AP1M2: variants seen among roughly 807,000 people sequenced by gnomAD.
The protein encoded by AP1M2 is adaptor related protein complex 1 subunit mu 2.
Under a neutral mutation model 54.6 loss-of-function variants are expected in AP1M2, and 41 were observed. That is an observed-to-expected ratio of 0.75 (90% CI 0.59 to 0.97). AP1M2 has a LOEUF of 0.97. Ranked by LOEUF, AP1M2 falls within the 50% of genes least tolerant of loss-of-function variation. AP1M2 has a pLI of 0.00. For missense variants in AP1M2, 507 were observed against 561.2 expected, an observed-to-expected ratio of 0.90 and a Z score of 0.98; for synonymous variants, 219 against 215.9, an observed-to-expected ratio of 1.01 and a Z score of -0.13.
At chr19:10,573,156 C>T (rs994593084) in intron 11 of AP1M2, 68 bp from the exon 12 acceptor site, 7 of 1,431,768 alleles carry the variant, frequency 4.9e-6, no homozygotes, top group South Asian at 1.2e-5. Context: ...CGGTGACTCA[C>T]GCTTATAATC....
At chr19:10,584,307 G>A (rs772540111) in intron 1 of AP1M2, among the ~76,000 whole-genome samples, 2 of 152,204 alleles carry the variant, frequency 1.3e-5, no homozygotes, top group Admixed American at 6.6e-5. Flanking sequence ...ATGGCTGGAC[G>A]CAGTGGCTCA....
rs372036716 is a variant in AP1M2, at chr19:10,583,896, A to G, written c.199+18T>C. 29 of 1,585,240 alleles carry G rather than the reference A, an allele frequency of 1.8e-5. No individual in the cohort carries two copies. The highest frequency in any genetic ancestry group is 2.5e-5 in the Non-Finnish European group (29 of 1,165,466). On this transcript the variant is annotated intron_variant, in intron 2 of 11. Coordinates refer to ENST00000250244, the MANE Select transcript of AP1M2 (RefSeq NM_005498.5). ...AGCCCCCACACCCACCTCCAGGGACACCACGTGGGGTGGATACAGTAGAGG... is the reference window on the plus strand; with the variant it reads ...AGCCCCCACACCCACCTCCAGGGACGCCACGTGGGGTGGATACAGTAGAGG...
intron 2 of AP1M2, 49 bp downstream of exon 2, chr19:10,583,865 G>C: frequency 6.4e-7 from 1 of 1,553,710 alleles, no homozygotes; most frequent in Non-Finnish European, 8.7e-7. Context: ...TGCCACCATC[G>C]CCGACAGCCC....
chr19:10,577,655 T>C (rs1381645377), intron 8 of AP1M2, among the ~76,000 whole-genome samples: 2 of 151,210 alleles, frequency 1.3e-5, no homozygotes, highest in Non-Finnish European at 2.9e-5. Context: ...CAGGATGTTC[T>C]CGATCTCCTG....
At position 10,575,742 on chromosome 19, in the gene AP1M2, CTTTTTTCTTT is replaced by C. The variant is rs1395492919; in HGVS notation, c.1048-723_1048-714del. ...GTACCTCTCTGATTTACTTGTATTT[CTTTTTTCTTT>C]TTTTTTCTTTTTTTTTCTTTTTTTT... On this transcript the variant is annotated intron_variant, in intron 9 of 11. Coordinates refer to ENST00000250244, the MANE Select transcript of AP1M2 (RefSeq NM_005498.5). 5.9e-3 allele frequency among the ~76,000 whole-genome samples: 874 copies of C among 147,638 alleles called. 3 individuals are homozygous for C. Among genetic ancestry groups the C allele is most frequent in the Middle Eastern group, 0.011 (3 of 284 alleles).
chr19:10,578,374 C>T (rs1475428749), intron 8 of AP1M2, among the ~76,000 whole-genome samples: 3 of 151,800 alleles, frequency 2.0e-5, no homozygotes, highest in South Asian at 2.1e-4. Flanking sequence ...CCCAGCTGCT[C>T]GGGAGGCTGA....
intron 6 of AP1M2, among the ~76,000 whole-genome samples, 186 bp from the exon 7 acceptor site, chr19:10,580,044 GTTTTTTTTTTT>G (rs59349358): frequency 1.4e-5 from 1 of 71,210 alleles, no homozygotes; most frequent in East Asian, 3.6e-4. Flanking sequence ...ATCTGGCTTG[GTTTTTTTTTTT>G]TTTTTTTTTT....
In AP1M2 at chr19:10,583,867, C is replaced by T. The variant is rs375003376; in HGVS notation, c.199+47G>A. The T allele has an allele frequency of 1.2e-4, 191 of 1,556,428 alleles. 2 individuals carry two copies. The Middle Eastern group carries it at 1.9e-3, about 15-fold the overall frequency. The stretch of plus-strand genomic sequence containing the variant: ...TCTTGGCCTGAGCTGCCACCATCGC[C>T]GACAGCCCCCACACCCACCTCCAGG... On this transcript the variant is annotated intron_variant, in intron 2 of 11. Transcript: ENST00000250244.
intron 7 of AP1M2, among the ~76,000 whole-genome samples, chr19:10,579,333 G>A (rs151030943): frequency 0.15 from 23,437 of 152,074 alleles, 2,271 homozygotes; most frequent in Admixed American, 0.27. Flanking sequence ...GGAGAATGGC[G>A]TGAACCTGGG....
rs1441889803 is a variant in AP1M2, at chr19:10,574,881, TCCTC to T, written c.1173+19_1173+22del. 1.9e-6 allele frequency: 3 copies of T among 1,590,982 alleles called. No homozygotes were observed. In the South Asian group the frequency reaches 3.4e-5, roughly 18 times the overall value. On this transcript the variant is annotated intron_variant, in intron 10 of 11. Transcript: ENST00000250244. ...GAACCCACCGAAGTCAAGGGGAGGA[TCCTC>T]CCTGCCTGCTTCTCTCACCTGGATC...
chr19:10,577,319 C>G lies in AP1M2; in HGVS notation c.926G>C (p.Gly309Ala). The G allele has an allele frequency of 6.2e-7, 1 of 1,610,800 alleles. No homozygotes were observed. The highest frequency in any genetic ancestry group is 8.5e-7 in the Non-Finnish European group (1 of 1,178,598). Reference protein sequence around the residue: ...GQFKKQSVANGVEISVPVPSD... With the variant: ...GQFKKQSVANAVEISVPVPSD... ...GGGTACAGGCACAGATATCTCCACA[C>G]CGTTGGCCACTGACTGTTTCTTAAA... Residue 309 changes from glycine (G) to alanine (A), a missense_variant, in exon 9 of 12, where the codon GGT (glycine) becomes GCT (alanine). Transcript: ENST00000250244.
chr19:10,574,105 C>T (rs1010195426), intron 11 of AP1M2, among the ~76,000 whole-genome samples: 2 of 152,186 alleles, frequency 1.3e-5, no homozygotes, highest in Admixed American at 1.3e-4. Flanking sequence ...TCACTGCAAC[C>T]TCCACCTCCC....
chr19:10,573,561 G>GTT (rs921227964), intron 11 of AP1M2, among the ~76,000 whole-genome samples: 46 of 151,708 alleles, frequency 3.0e-4, no homozygotes, highest in African/African-American at 1.1e-3. Flanking sequence ...AAACAAGGCA[G>GTT]TTTCCAGGCA....
chr19:10,576,634 G>A (rs1442142000), intron 9 of AP1M2, among the ~76,000 whole-genome samples: 1 of 151,616 alleles, frequency 6.6e-6, no homozygotes, highest in Non-Finnish European at 1.5e-5. Context: ...TCTGACCTCA[G>A]GTGATCTGCC....
intron 1 of AP1M2, among the ~76,000 whole-genome samples, chr19:10,585,283 A>AAAGAAAGAAAGAAGG (rs1568434699): frequency 1.4e-4 from 15 of 104,634 alleles, no homozygotes; most frequent in East Asian, 1.4e-3. Flanking sequence ...AAAGAAGAAA[A>AAAGAAAGAAAGAAGG]AAAGAAAGAA....
chr19:10,580,239 C>T (rs529636761), intron 6 of AP1M2, among the ~76,000 whole-genome samples: 68 of 151,962 alleles, frequency 4.5e-4, no homozygotes, highest in Non-Finnish European at 6.9e-4. Context: ...TTAGTAGAGA[C>T]GGGGTTTCTC....
At chr19:10,573,114 C>T in intron 11 of AP1M2, 26 bp from the exon 12 acceptor site, 1 of 1,557,884 alleles carries the variant, frequency 6.4e-7, no homozygotes, top group Non-Finnish European at 8.7e-7. Flanking sequence ...GAGGAGGGGC[C>T]ATCTCAGAAA....
intron 3 of AP1M2, 100 bp from the exon 4 acceptor site, chr19:10,581,978 A>G: frequency 7.5e-7 from 1 of 1,335,922 alleles, no homozygotes; most frequent in Non-Finnish European, 1.0e-6. Flanking sequence ...CCAAGGCACG[A>G]GGATCACTTA....
rs1430875271 is a variant in AP1M2 at position 10,577,085 on chromosome 19, A to G, written c.1047+113T>C. 8 of 1,228,188 alleles carry G rather than the reference A, an allele frequency of 6.5e-6. No homozygotes were observed. The African/African-American group carries it at 1.2e-4, about 18-fold the overall frequency. 76.1% of individuals were successfully genotyped at this position (1,228,188 alleles called of 1,614,324 possible). A position where few individuals can be genotyped will look rare whatever the true frequency, so the allele number is the denominator to read the frequency against. On this transcript the variant is annotated intron_variant, in intron 9 of 11. Coordinates refer to ENST00000250244, the MANE Select transcript of AP1M2 (RefSeq NM_005498.5). Reference sequence around the variant, plus strand: ...TGGCATTCCAGTCATGAGCCATCACACCTGACTGGGTCTCTGATTTGTTCT... The same window carrying G: ...TGGCATTCCAGTCATGAGCCATCACGCCTGACTGGGTCTCTGATTTGTTCT...
Sources: gnomAD v4.1 joint callset for allele counts (sites outside exome capture counted in the v4.1 genomes callset) on GRCh38, gnomAD v4.1.1 for gene constraint, MANE v1.5 for transcripts, NCBI Gene and HGNC (gene_info 2026-07-23, HGNC 2026-07-21) for gene names.